KCNV1: variants seen among roughly 807,000 people sequenced by gnomAD.
KCNV1 encodes potassium voltage-gated channel subfamily V member 1.
KCNV1 carries 2 observed loss-of-function variants against 36.4 expected under a neutral mutation model. That is an observed-to-expected ratio of 0.05 (90% CI 0.02 to 0.17). The LOEUF (loss-of-function observed/expected upper bound fraction) is 0.17, where lower values mean the gene tolerates loss of function less well. KCNV1 is among the 10% of genes least tolerant of loss of function. The pLI, the probability that KCNV1 is intolerant of heterozygous loss-of-function variation, is 1.00. For synonymous variants in KCNV1, 280 were observed against 261.1 expected (o/e 1.07, Z -0.70); for missense variants, 321 against 643.6 (o/e 0.50, Z 5.42).
Position 109,966,524 on chromosome 8 carries a change from G to A in KCNV1, c.*1564C>T, listed in dbSNP as rs1210798125. 1 of 152,158 alleles carries A rather than the reference G, an allele frequency of 6.6e-6. No individual in the cohort carries two copies. Among genetic ancestry groups the A allele is most frequent in the African/African-American group, 2.4e-5 (1 of 41,446 alleles). 9.4% of individuals were successfully genotyped at this position (152,158 alleles called of 1,614,324 possible). The stretch of plus-strand genomic sequence containing the variant: ...GCTTAACCATGCATACCAGAAAACA[G>A]GAGGTAGTACATGCGATATTTCATT... On this transcript the variant is annotated 3_prime_UTR_variant, in exon 4 of 4. Coordinates refer to ENST00000524391, the MANE Select transcript of KCNV1 (RefSeq NM_014379.4).
chr8:109,974,525 G>A lies in KCNV1; in HGVS notation c.-137C>T, dbSNP rs1820056491. ...GCTCCCGAAGGGGTTACCTCTCCTTGGCGCACCCTCTCCACCCGCTGTGCG... is the reference window on the plus strand; with the variant it reads ...GCTCCCGAAGGGGTTACCTCTCCTTAGCGCACCCTCTCCACCCGCTGTGCG... On this transcript the variant is annotated 5_prime_UTR_variant, in exon 2 of 4. Coordinates refer to ENST00000524391, the MANE Select transcript of KCNV1 (RefSeq NM_014379.4). The surrounding 1 kb of genome is among the most constrained non-coding windows in gnomAD (Gnocchi z 6.2). 3.1e-6 allele frequency: 2 copies of A among 639,456 alleles called. No homozygotes were observed. The allele number at this position is 639,456 out of a possible 1,614,324, so 39.6% of individuals were successfully genotyped here.
Position 109,974,633 on chromosome 8 carries a change from A to T in KCNV1, c.-245T>A, listed in dbSNP as rs1820058463. The T allele has an allele frequency of 1.2e-5, 7 of 567,352 alleles. No homozygotes were observed. The allele number at this position is 567,352 out of a possible 1,614,324, so 35.1% of individuals were successfully genotyped here. ...AGAAAGAGGAGACAGGGAGCAGAGGAAGGGTCGCGCTAAGAGAGAGGATCA... is the reference window on the plus strand; with the variant it reads ...AGAAAGAGGAGACAGGGAGCAGAGGTAGGGTCGCGCTAAGAGAGAGGATCA... On this transcript the variant is annotated 5_prime_UTR_variant, in exon 2 of 4. Transcript: ENST00000524391. This position sits in a 1 kb window ranked among gnomAD's most constrained non-coding sequence, Gnocchi z 6.2.
At chr8:109,973,065 CT>C (rs1052272292) in intron 2 of KCNV1, among the ~76,000 whole-genome samples, 1 of 151,004 alleles carries the variant, frequency 6.6e-6, no homozygotes, top group African/African-American at 2.4e-5. Context: ...GTAGCCTCCG[CT>C]TCCCAGGTTC....
At chr8:109,971,306 T>C (rs1290877674) in intron 3 of KCNV1, among the ~76,000 whole-genome samples, 1 of 152,144 alleles carries the variant, frequency 6.6e-6, no homozygotes, top group African/African-American at 2.4e-5. Context: ...TCTCAAGCTT[T>C]CTGGGGGTTG....
chr8:109,967,063 T>C lies in KCNV1; in HGVS notation c.*1025A>G, dbSNP rs936335731. ...ACAATGTCTAGGAATTGTGTTGTTA[T>C]GATGAATGTCAAAATGCCTGCAAAG... On this transcript the variant is annotated 3_prime_UTR_variant, in exon 4 of 4. Coordinates refer to ENST00000524391, the MANE Select transcript of KCNV1 (RefSeq NM_014379.4). The C allele has an allele frequency of 2.0e-5, 3 of 152,192 alleles. No homozygotes were observed. Among genetic ancestry groups the C allele is most frequent in the African/African-American group, 7.2e-5 (3 of 41,464 alleles). 9.4% of individuals were successfully genotyped at this position (152,192 alleles called of 1,614,324 possible). A position where few individuals can be genotyped will look rare whatever the true frequency, so the allele number is the denominator to read the frequency against.
chr8:109,967,821 T>C lies in KCNV1; in HGVS notation c.*267A>G, dbSNP rs1819961807. 1 of 328,752 alleles carries C rather than the reference T, an allele frequency of 3.0e-6. No individual in the cohort carries two copies. 20.4% of individuals were successfully genotyped at this position (328,752 alleles called of 1,614,324 possible). ...TATGTATTGCAATAACATTATTTTA[T>C]ATTTGACAATTCAAACATGTTTATA... is the stretch of plus-strand genomic sequence containing the variant. On this transcript the variant is annotated 3_prime_UTR_variant, in exon 4 of 4. Coordinates refer to ENST00000524391, the MANE Select transcript of KCNV1 (RefSeq NM_014379.4).
chr8:109,972,244 T>A lies in KCNV1; in HGVS notation c.991+14A>T, dbSNP rs1420690722. On this transcript the variant is annotated intron_variant, in intron 3 of 3. Transcript: ENST00000524391. The surrounding 1 kb of genome is among the most constrained non-coding windows in gnomAD (Gnocchi z 5.2). ...GCAATGGCAAATTAAAAGGCATCAG[T>A]GAAATGTGAATACCTGTGGAATGTC... The A allele has an allele frequency of 6.4e-7, 1 of 1,556,510 alleles. No individual in the cohort carries two copies. Among genetic ancestry groups the A allele is most frequent in the East Asian group, 2.3e-5 (1 of 44,388 alleles).
intron 2 of KCNV1, 63 bp downstream of exon 2, chr8:109,973,865 G>GC: frequency 8.2e-7 from 1 of 1,213,826 alleles, no homozygotes; most frequent in East Asian, 3.1e-5. Flanking sequence ...ATCTACCTGT[G>GC]CCTTCCTCTC....
rs747735274 is a variant in KCNV1 at position 109,968,604 on chromosome 8, A to G, written c.992-5T>C. On this transcript the variant is annotated splice_polypyrimidine_tract_variant and splice_region_variant and intron_variant, in intron 3 of 3. Coordinates refer to ENST00000524391, the MANE Select transcript of KCNV1 (RefSeq NM_014379.4). The surrounding 1 kb of genome is among the most constrained non-coding windows in gnomAD (Gnocchi z 5.3). Reference sequence around the variant, plus strand: ...TCATCCCAAGGGAGCGTAATCCTGCAACAGAACAAATGCTGTCAGTCATTG... The same window carrying G: ...TCATCCCAAGGGAGCGTAATCCTGCGACAGAACAAATGCTGTCAGTCATTG... 5 of 1,570,792 alleles carry G rather than the reference A, an allele frequency of 3.2e-6. No homozygotes were observed. The highest frequency in any genetic ancestry group is 4.3e-6 in the Non-Finnish European group (5 of 1,152,196).
chr8:109,969,492 G>A (rs1819983916), intron 3 of KCNV1, among the ~76,000 whole-genome samples: 1 of 152,122 alleles, frequency 6.6e-6, no homozygotes, highest in Non-Finnish European at 1.5e-5. Flanking sequence ...TTAAACCCCA[G>A]GGAGACAGAA....
rs945447084 is a variant in KCNV1 at position 109,965,378 on chromosome 8, G to A, written c.*2710C>T. The A allele has an allele frequency of 1.1e-3, 166 of 152,148 alleles. No individual in the cohort carries two copies. Among genetic ancestry groups the A allele is most frequent in the African/African-American group, 3.8e-3 (156 of 41,528 alleles). 9.4% of individuals were successfully genotyped at this position (152,148 alleles called of 1,614,324 possible). On this transcript the variant is annotated 3_prime_UTR_variant, in exon 4 of 4. Transcript: ENST00000524391. ...TTTAAAATAATGGGTTATAAAATTGGCAGAGTTCCTGCCTTGATTTTTTTA... is the reference window on the plus strand; with the variant it reads ...TTTAAAATAATGGGTTATAAAATTGACAGAGTTCCTGCCTTGATTTTTTTA...
In KCNV1 at chr8:109,968,658, C is replaced by G; in HGVS notation, c.992-59G>C. On this transcript the variant is annotated intron_variant, in intron 3 of 3. Coordinates refer to ENST00000524391, the MANE Select transcript of KCNV1 (RefSeq NM_014379.4). The surrounding 1 kb of genome is among the most constrained non-coding windows in gnomAD (Gnocchi z 5.3). ...TCCCTCTTCTCTCTCTTCCTTCCCT[C>G]CCCTCCCCTCTCCCTCCTTGCTCTG... is the stretch of plus-strand genomic sequence containing the variant. 1 of 1,516,392 alleles carries G rather than the reference C, an allele frequency of 6.6e-7. No individual in the cohort carries two copies. Among genetic ancestry groups the G allele is most frequent in the South Asian group, 1.3e-5 (1 of 79,158 alleles). 93.9% of individuals were successfully genotyped at this position (1,516,392 alleles called of 1,614,324 possible).
intron 3 of KCNV1, among the ~76,000 whole-genome samples, chr8:109,970,051 A>G (rs905910512): frequency 1.3e-5 from 2 of 152,102 alleles, no homozygotes; most frequent in African/African-American, 2.4e-5. Flanking sequence ...GTTTTTATTC[A>G]CTCACTAGAG....
Position 109,967,570 on chromosome 8 carries a change from G to A in KCNV1, c.*518C>T, listed in dbSNP as rs1819957843. Reference sequence around the variant, plus strand: ...GATATAATCTCTGCCCATCAAATATGGGTTTTCTCTTGTAAAGCTAAGTAT... The same window carrying A: ...GATATAATCTCTGCCCATCAAATATAGGTTTTCTCTTGTAAAGCTAAGTAT... On this transcript the variant is annotated 3_prime_UTR_variant, in exon 4 of 4. Transcript: ENST00000524391. 1 of 153,900 alleles carries A rather than the reference G, an allele frequency of 6.5e-6. No homozygotes were observed. The highest frequency in any genetic ancestry group is 2.0e-4 in the South Asian group (1 of 4,946). 9.5% of individuals were successfully genotyped at this position (153,900 alleles called of 1,614,324 possible). A position where few individuals can be genotyped will look rare whatever the true frequency, so the allele number is the denominator to read the frequency against.
At chr8:109,975,422 C>T (rs1481442641) in intron 1 of KCNV1, among the ~76,000 whole-genome samples, 197 bp downstream of exon 1, 1 of 152,088 alleles carries the variant, frequency 6.6e-6, no homozygotes, top group Admixed American at 6.6e-5. Flanking sequence ...GGCAAAAAGA[C>T]AAGGAATAGA....
intron 2 of KCNV1, among the ~76,000 whole-genome samples, chr8:109,973,036 G>A (rs957238766): frequency 2.7e-5 from 4 of 150,314 alleles, no homozygotes; most frequent in East Asian, 2.0e-4. Context: ...GGAGTGCAGC[G>A]GAGTGATCTC....
In KCNV1 at chr8:109,972,180, A is replaced by G. The variant is rs2130897991; in HGVS notation, c.991+78T>C. On this transcript the variant is annotated intron_variant, in intron 3 of 3. Coordinates refer to ENST00000524391, the MANE Select transcript of KCNV1 (RefSeq NM_014379.4). This position sits in a 1 kb window ranked among gnomAD's most constrained non-coding sequence, Gnocchi z 5.2. ...TAATTTTGAATATCAGTTCAGCGTT[A>G]CTTTCCTTGTACTGTGGTCAAAAAA... 1.4e-6 allele frequency: 2 copies of G among 1,393,658 alleles called. No homozygotes were observed. The highest frequency in any genetic ancestry group is 2.3e-5 in the East Asian group (1 of 43,510). The allele number at this position is 1,393,658 out of a possible 1,614,324, so 86.3% of individuals were successfully genotyped here.
In KCNV1 at chr8:109,965,339, A is replaced by G. The variant is rs1302535936; in HGVS notation, c.*2749T>C. The G allele has an allele frequency of 6.6e-6, 1 of 152,214 alleles. No individual in the cohort carries two copies. Among genetic ancestry groups the G allele is most frequent in the African/African-American group, 2.4e-5 (1 of 41,478 alleles). The allele number at this position is 152,214 out of a possible 1,614,324, so 9.4% of individuals were successfully genotyped here. On this transcript the variant is annotated 3_prime_UTR_variant, in exon 4 of 4. Coordinates refer to ENST00000524391, the MANE Select transcript of KCNV1 (RefSeq NM_014379.4). ...ATAACAATAATTCTTAGATGTTTAA[A>G]AAGTGTTTACTGTTTTAAAATAATG...
intron 3 of KCNV1, among the ~76,000 whole-genome samples, chr8:109,970,670 A>G (rs927555306): frequency 6.6e-6 from 1 of 152,200 alleles, no homozygotes; most frequent in African/African-American, 2.4e-5. Context: ...AAATTGTCAA[A>G]TATGCAAGTC....
Sources: allele counts gnomAD v4.1 joint callset (sites outside exome capture counted in the v4.1 genomes callset), GRCh38; gene constraint gnomAD v4.1.1; non-coding constraint Gnocchi (gnomAD v3.1); transcripts MANE v1.5; gene names NCBI Gene and HGNC (gene_info 2026-07-23, HGNC 2026-07-21).